Variants in PCDHGB5 observed in about 807,000 individuals in gnomAD.
The protein encoded by PCDHGB5 is protocadherin gamma-B5.
Under a neutral mutation model 62.9 loss-of-function variants are expected in PCDHGB5, and 48 were observed. The observed-to-expected ratio is 0.76, with a 90% CI of 0.61 to 0.97. The LOEUF is 0.97. PCDHGB5 is among the 50% of genes least tolerant of loss of function. The pLI is 0.00. For synonymous variants in PCDHGB5, 474 were observed against 511.2 expected (o/e 0.93, Z 0.98); for missense variants, 1,118 against 1,198.6 (o/e 0.93, Z 0.99).
At chr5:141,451,334 C>G (rs916812246) in intron 1 of PCDHGB5, among the ~76,000 whole-genome samples, 4 of 152,192 alleles carry the variant, frequency 2.6e-5, no homozygotes, top group Non-Finnish European at 4.4e-5. Context: ...AGGCTATTGT[C>G]TTATCTGAAG....
intron 1 of PCDHGB5, among the ~76,000 whole-genome samples, chr5:141,444,466 C>A (rs539222916): frequency 1.3e-5 from 2 of 151,982 alleles, no homozygotes; most frequent in African/African-American, 4.8e-5. Flanking sequence ...TCACTGCGCC[C>A]GGTCGCGTAC....
At chr5:141,442,472 C>A (rs1032989256) in intron 1 of PCDHGB5, 4 of 152,204 alleles carry the variant, frequency 2.6e-5, no homozygotes, top group African/African-American at 9.7e-5. Flanking sequence ...GCAGAAAGCC[C>A]CTTGGGGAAG....
chr5:141,485,601 G>T lies in PCDHGB5; in HGVS notation c.2398-9206G>T, dbSNP rs762783104. On this transcript the variant is annotated intron_variant, in intron 1 of 3. Transcript: ENST00000617380. The surrounding 1 kb of genome is among the most constrained non-coding windows in gnomAD (Gnocchi z 5.7). ...CGGCAGCAGCTGGACTTGGAAATTG[G>T]GGAGGCAGCTCCTCCAGGACAGCGT... The T allele has an allele frequency of 3.1e-6, 5 of 1,612,290 alleles. No individual in the cohort carries two copies. Among genetic ancestry groups the T allele is most frequent in the Non-Finnish European group, 4.2e-6 (5 of 1,178,722 alleles).
rs759437302 is a variant in PCDHGB5, at chr5:141,476,861, T to C, written c.2398-17946T>C. On this transcript the variant is annotated intron_variant, in intron 1 of 3. Transcript: ENST00000617380. The surrounding 1 kb of genome is among the most constrained non-coding windows in gnomAD (Gnocchi z 7.6). Reference sequence around the variant, plus strand: ...TGCGCCTGTCTTCAACCAGTCCTTGTACCGGGCGCGCGTCCTGGAGGATGC... The same window carrying C: ...TGCGCCTGTCTTCAACCAGTCCTTGCACCGGGCGCGCGTCCTGGAGGATGC... 6.2e-7 allele frequency: 1 copy of C among 1,613,864 alleles called. No individual in the cohort carries two copies. The highest frequency in any genetic ancestry group is 1.7e-5 in the Admixed American group (1 of 60,034).
chr5:141,485,961 A>G lies in PCDHGB5; in HGVS notation c.2398-8846A>G. Reference sequence around the variant, plus strand: ...GCACCAGCGGGCATGGTGCTCATCCAGCTCAATGCCTCAGACCCGGACCTG... The same window carrying G: ...GCACCAGCGGGCATGGTGCTCATCCGGCTCAATGCCTCAGACCCGGACCTG... On this transcript the variant is annotated intron_variant, in intron 1 of 3. Coordinates refer to ENST00000617380, the MANE Select transcript of PCDHGB5 (RefSeq NM_018925.3). This position sits in a 1 kb window ranked among gnomAD's most constrained non-coding sequence, Gnocchi z 5.7. 1 of 1,614,204 alleles carries G rather than the reference A, an allele frequency of 6.2e-7. No individual in the cohort carries two copies. Among genetic ancestry groups the G allele is most frequent in the Non-Finnish European group, 8.5e-7 (1 of 1,180,028 alleles).
chr5:141,452,587 A>G (rs1171400700), intron 1 of PCDHGB5, among the ~76,000 whole-genome samples: 1 of 151,948 alleles, frequency 6.6e-6, no homozygotes, highest in Non-Finnish European at 1.5e-5. Context: ...CCATCTTTGT[A>G]TTTTTATTTT....
At chr5:141,501,146 T>C (rs2299023) in intron 2 of PCDHGB5, among the ~76,000 whole-genome samples, 88,663 of 152,012 alleles carry the variant, frequency 0.58, 27,355 homozygotes, top group African/African-American at 0.78. Context: ...GGATTACAGG[T>C]GGGAGCCACC....
intron 1 of PCDHGB5, among the ~76,000 whole-genome samples, chr5:141,445,920 A>C (rs1343777309): frequency 6.6e-6 from 1 of 152,212 alleles, no homozygotes; most frequent in African/African-American, 2.4e-5. Context: ...GGCAGTGACA[A>C]GATATTTGAA....
intron 1 of PCDHGB5, chr5:141,415,006 C>T (rs1353721901): frequency 1.2e-6 from 2 of 1,613,652 alleles, no homozygotes; most frequent in Non-Finnish European, 8.5e-7. Flanking sequence ...GCTGTCCTAC[C>T]GTCTGCTCAA....
intron 1 of PCDHGB5, 86 bp downstream of exon 1, chr5:141,400,610 T>C (rs1561677991): frequency 3.2e-6 from 5 of 1,573,090 alleles, no homozygotes; most frequent in Non-Finnish European, 4.4e-6. Flanking sequence ...TCAAGTCCAA[T>C]GAGTTGTCTT....
At position 141,408,408 on chromosome 5, in the gene PCDHGB5, G is replaced by A. The variant is rs376957467; in HGVS notation, c.2397+7884G>A. On this transcript the variant is annotated intron_variant, in intron 1 of 3. Coordinates refer to ENST00000617380, the MANE Select transcript of PCDHGB5 (RefSeq NM_018925.3). The stretch of plus-strand genomic sequence containing the variant: ...GTGTCGGCTCGCAAGCTGCGAGTGA[G>A]CGCGGAGAAGCTGCACTTCAGCGTA... 5 of 1,614,080 alleles carry A rather than the reference G, an allele frequency of 3.1e-6. No homozygotes were observed. The Admixed American group carries it at 5.0e-5, about 16-fold the overall frequency.
chr5:141,399,763 G>A lies in PCDHGB5; in HGVS notation c.1636G>A (p.Val546Met), dbSNP rs753865606. 5.0e-6 allele frequency: 8 copies of A among 1,613,378 alleles called. No homozygotes were observed. The highest frequency in any genetic ancestry group is 1.7e-5 in the Admixed American group (1 of 60,004). ...GCTCAGCGCAAACGTGAGCCTGCGC[G>A]TGTTGGTGGGCGACCGAAACGACAA... is the stretch of plus-strand genomic sequence containing the variant. ...PALSANVSLR[V>M]LVGDRNDNAP... The change falls in exon 1 of 4, where the codon GTG (valine) becomes ATG (methionine). Residue 546 changes from valine to methionine, a missense_variant. Physicochemically the swap from Val to Met is conservative, Grantham distance 21 (BLOSUM62 1). This residue lies in a region of PCDHGB5 where 1,034 missense variants were observed against 1,029.1 expected (regional missense o/e 1.00). Coordinates refer to ENST00000617380, the MANE Select transcript of PCDHGB5 (RefSeq NM_018925.3).
chr5:141,438,319 T>C (rs934592523), intron 1 of PCDHGB5, among the ~76,000 whole-genome samples: 1 of 151,982 alleles, frequency 6.6e-6, no homozygotes, highest in African/African-American at 2.4e-5. Flanking sequence ...CACCATAATT[T>C]TTCTTATACA....
At chr5:141,420,027 C>T in intron 1 of PCDHGB5, 3 of 1,614,082 alleles carry the variant, frequency 1.9e-6, no homozygotes, top group Non-Finnish European at 2.5e-6. Flanking sequence ...AGCCCTACTG[C>T]AGGAGACTGC....
rs1345224043 is a variant in PCDHGB5, at chr5:141,487,695, C to G, written c.2398-7112C>G. Reference sequence around the variant, plus strand: ...TGGCTAGGCCATGTCCTAGAGAGTACTGGCCTCTCAGTAAGTGCCCATAGT... The same window carrying G: ...TGGCTAGGCCATGTCCTAGAGAGTAGTGGCCTCTCAGTAAGTGCCCATAGT... On this transcript the variant is annotated intron_variant, in intron 1 of 3. Transcript: ENST00000617380. The surrounding 1 kb of genome is among the most constrained non-coding windows in gnomAD (Gnocchi z 5.0). 1 of 1,601,306 alleles carries G rather than the reference C, an allele frequency of 6.2e-7. No individual in the cohort carries two copies.
chr5:141,494,746 C>A lies in PCDHGB5; in HGVS notation c.2398-61C>A. 3 of 1,613,088 alleles carry A rather than the reference C, an allele frequency of 1.9e-6. No individual in the cohort carries two copies. The South Asian group carries it at 3.3e-5, about 18-fold the overall frequency. On this transcript the variant is annotated intron_variant, in intron 1 of 3. Coordinates refer to ENST00000617380, the MANE Select transcript of PCDHGB5 (RefSeq NM_018925.3). ...TTCTCTCCCGGCCCATCCCTAGGGG[C>A]TCGGGTGACATTCTAACTTCTCACG...
chr5:141,486,894 C>T lies in PCDHGB5; in HGVS notation c.2398-7913C>T. 1 of 1,614,228 alleles carries T rather than the reference C, an allele frequency of 6.2e-7. No homozygotes were observed. Among genetic ancestry groups the T allele is most frequent in the Non-Finnish European group, 8.5e-7 (1 of 1,180,052 alleles). On this transcript the variant is annotated intron_variant, in intron 1 of 3. Transcript: ENST00000617380. The surrounding 1 kb of genome is among the most constrained non-coding windows in gnomAD (Gnocchi z 5.0). ...CTCCGTCCTCGGGCCCGGCCTGGTT[C>T]CTTATGTCCCCAAGCACTGCCTCCA...
chr5:141,505,413 C>T lies in PCDHGB5; in HGVS notation c.2477C>T (p.Thr826Ile), dbSNP rs1240988786. ...CCCAGCTCCCAAAATGGCGATGACA[C>T]CGGCACCTGGCCCAACAACCAGTTT... is the stretch of plus-strand genomic sequence containing the variant. ...GTSGSQNGDD[T>I]GTWPNNQFDT... Residue 826 changes from threonine to isoleucine, a missense_variant, in exon 3 of 4, where the codon ACC becomes ATC. By Grantham distance (89) the Thr-to-Ile change is moderately conservative. Around this residue, in one of 2 missense-constraint regions of PCDHGB5, gnomAD observed 1,034 missense variants for 1,029.1 expected, o/e 1.00. Coordinates refer to ENST00000617380, the MANE Select transcript of PCDHGB5 (RefSeq NM_018925.3). 10 of 1,614,202 alleles carry T rather than the reference C, an allele frequency of 6.2e-6. No homozygotes were observed. Among genetic ancestry groups the T allele is most frequent in the Non-Finnish European group, 7.6e-6 (9 of 1,180,046 alleles).
Position 141,477,029 on chromosome 5 carries a change from A to T in PCDHGB5, c.2398-17778A>T, listed in dbSNP as rs754045855. ...CTTAGACCTTGTAACCGGGATGCTG[A>T]CAATCAAGGGTCGGCTGGACTTCGA... On this transcript the variant is annotated intron_variant, in intron 1 of 3. Transcript: ENST00000617380. This position sits in a 1 kb window ranked among gnomAD's most constrained non-coding sequence, Gnocchi z 4.9. 2 of 1,614,238 alleles carry T rather than the reference A, an allele frequency of 1.2e-6. No homozygotes were observed. The highest frequency in any genetic ancestry group is 3.3e-5 in the Admixed American group (2 of 60,028).
Sources: gnomAD v4.1 joint callset for allele counts (sites outside exome capture counted in the v4.1 genomes callset) on GRCh38, gnomAD v4.1.1 for gene constraint, gnomAD v4.1.1 regional missense constraint, Gnocchi (gnomAD v3.1) non-coding constraint, MANE v1.5 for transcripts, NCBI Gene and HGNC (gene_info 2026-07-23, HGNC 2026-07-21) for gene names.